RARB: variants seen among roughly 807,000 people sequenced by gnomAD.
RARB encodes HBV-activated protein.
Under a neutral mutation model 51.9 loss-of-function variants are expected in RARB, and 17 were observed. That is an observed-to-expected ratio of 0.33 (90% CI 0.22 to 0.49). RARB has a LOEUF of 0.49. Ranked by LOEUF, RARB falls within the 20% of genes least tolerant of loss-of-function variation. The pLI, the probability that RARB is intolerant of heterozygous loss-of-function variation, is 0.99. For synonymous variants in RARB, 215 were observed against 195.4 expected (o/e 1.10, Z -0.84); for missense variants, 369 against 550.8 (o/e 0.67, Z 3.30).
intron 5 of RARB, among the ~76,000 whole-genome samples, chr3:25,210,045 C>G (rs1319628203): frequency 6.6e-6 from 1 of 152,096 alleles, no homozygotes; most frequent in Non-Finnish European, 1.5e-5. Flanking sequence ...GTCTTTTTAC[C>G]AACACTTTTC....
upstream of RARB, chr3:25,428,148 G>T: frequency 9.7e-7 from 1 of 1,028,864 alleles, no homozygotes; most frequent in Non-Finnish European, 1.2e-6. Context: ...AGCTCTGTGA[G>T]AATCCTGGGA....
intron 2 of RARB, among the ~76,000 whole-genome samples, chr3:24,936,671 G>A (rs923114807): frequency 2.6e-5 from 4 of 152,210 alleles, no homozygotes; most frequent in Non-Finnish European, 5.9e-5. Context: ...TCATTAACAT[G>A]ACATTTGCTT....
intron 2 of RARB, among the ~76,000 whole-genome samples, chr3:25,468,566 C>G (rs577946143): frequency 6.6e-6 from 1 of 151,874 alleles, no homozygotes; most frequent in African/African-American, 2.4e-5. Flanking sequence ...AAAAAAAACA[C>G]CCCACTGCTT....
chr3:25,187,592 A>G (rs979205952), intron 5 of RARB, among the ~76,000 whole-genome samples: 1 of 152,138 alleles, frequency 6.6e-6, no homozygotes, highest in African/African-American at 2.4e-5. Flanking sequence ...TAATAAAAAT[A>G]CTTTTAATCT....
chr3:24,882,777 C>T (rs760087237), intron 2 of RARB, among the ~76,000 whole-genome samples: 22 of 152,212 alleles, frequency 1.4e-4, no homozygotes, highest in African/African-American at 5.3e-4. Context: ...TGATTTTGTC[C>T]AGGAATGCCA....
At chr3:24,954,991 A>G (rs553527166) in intron 2 of RARB, among the ~76,000 whole-genome samples, 1 of 152,262 alleles carries the variant, frequency 6.6e-6, no homozygotes, top group Admixed American at 6.5e-5. Context: ...TGGACTGCTA[A>G]GTGTTAACCA....
intron 4 of RARB, among the ~76,000 whole-genome samples, chr3:25,149,161 A>G (rs184628359): frequency 6.6e-6 from 1 of 152,298 alleles, no homozygotes; most frequent in Non-Finnish European, 1.5e-5. Flanking sequence ...AAGGGTGATG[A>G]GATTGGGGAG....
At chr3:24,964,132 A>AC (rs936104828) in intron 2 of RARB, among the ~76,000 whole-genome samples, 19 of 150,412 alleles carry the variant, frequency 1.3e-4, no homozygotes, top group South Asian at 4.2e-4. Context: ...GTTGATTTCC[A>AC]CCCCCCCACC....
intron 2 of RARB, among the ~76,000 whole-genome samples, chr3:25,012,057 T>C (rs1697410456): frequency 6.6e-6 from 1 of 152,098 alleles, no homozygotes; most frequent in South Asian, 2.1e-4. Context: ...TAATTCAACA[T>C]ATAAATTCAA....
chr3:25,567,970 T>C (rs1164493179), intron 3 of RARB, among the ~76,000 whole-genome samples: 1 of 152,106 alleles, frequency 6.6e-6, no homozygotes, highest in Non-Finnish European at 1.5e-5. Flanking sequence ...TTGTGTCTCC[T>C]TTGCCCGCCG....
chr3:25,416,284 G>A (rs538007794), intron 5 of RARB, among the ~76,000 whole-genome samples: 31 of 152,324 alleles, frequency 2.0e-4, no homozygotes, highest in African/African-American at 6.3e-4. Context: ...AGCTACTTAC[G>A]GGGTTGAGGC....
At chr3:25,547,727 T>C (rs570493842) in intron 3 of RARB, among the ~76,000 whole-genome samples, 3 of 152,136 alleles carry the variant, frequency 2.0e-5, no homozygotes, top group Non-Finnish European at 4.4e-5. Flanking sequence ...TGGATGGATG[T>C]ATGGATGAGT....
chr3:24,933,343 T>C (rs1317628929), intron 2 of RARB, among the ~76,000 whole-genome samples: 1 of 152,124 alleles, frequency 6.6e-6, no homozygotes. Flanking sequence ...GAAACATATC[T>C]GATGTCTTCT....
intron 2 of RARB, among the ~76,000 whole-genome samples, chr3:24,992,638 A>G (rs1696936879): frequency 6.6e-6 from 1 of 152,224 alleles, no homozygotes; most frequent in Non-Finnish European, 1.5e-5. Context: ...GTCAAAATCC[A>G]GCAGGAATGG....
In RARB at chr3:25,164,089, TA is replaced by T. The variant is rs201808369; in HGVS notation, c.-279-10022del. The stretch of plus-strand genomic sequence containing the variant: ...TTCCCAGACTGGCTGCCTGGCTTGA[TA>T]AAAAAAATGCAGCTCCCAGAAGCAT... On this transcript the variant is annotated intron_variant, in intron 4 of 11. Coordinates refer to the RARB transcript ENST00000383772. Among the ~76,000 whole-genome samples the T allele has an allele frequency of 2.2e-3, 328 of 151,808 alleles. 2 individuals carry two copies. Among genetic ancestry groups the T allele is most frequent in the East Asian group, 0.021 (106 of 5,156 alleles).
chr3:25,465,166 G>GT, intron 2 of RARB, among the ~76,000 whole-genome samples: 1 of 152,128 alleles, frequency 6.6e-6, no homozygotes, highest in East Asian at 1.9e-4. Flanking sequence ...TTATTGTCTA[G>GT]TAGTCTGTAA....
intron 2 of RARB, among the ~76,000 whole-genome samples, chr3:24,917,045 T>G (rs1251178604): frequency 2.6e-5 from 4 of 152,234 alleles, no homozygotes; most frequent in African/African-American, 7.2e-5. Flanking sequence ...ATACTGCAAA[T>G]GTTAAAAATT....
chr3:25,243,000 G>A (rs1313686550), intron 5 of RARB, among the ~76,000 whole-genome samples: 1 of 152,076 alleles, frequency 6.6e-6, no homozygotes, highest in East Asian at 1.9e-4. Context: ...GTGGTTTGTA[G>A]TTCTCCTTGA....
chr3:25,356,484 G>GA (rs1207258956), intron 5 of RARB, among the ~76,000 whole-genome samples: 3 of 151,774 alleles, frequency 2.0e-5, no homozygotes, highest in East Asian at 1.9e-4. Flanking sequence ...TTACATGAAA[G>GA]AAAAAATAGA....
Sources: gnomAD v4.1 joint callset for allele counts (sites outside exome capture counted in the v4.1 genomes callset) on GRCh38, gnomAD v4.1.1 for gene constraint, MANE v1.5 for transcripts, NCBI Gene and HGNC (gene_info 2026-07-23, HGNC 2026-07-21) for gene names.